Variants in EFHD2 observed in about 807,000 individuals in gnomAD.
EFHD2 encodes the protein EF-hand domain-containing protein D2.
In EFHD2, 12 loss-of-function variants were observed where a neutral mutation model predicts 20.3. That is an observed-to-expected ratio of 0.59 (90% CI 0.38 to 0.96). EFHD2 has a LOEUF of 0.96. Ranked by LOEUF, EFHD2 falls within the 40% of genes least tolerant of loss-of-function variation. The pLI is 0.00. For synonymous variants in EFHD2, 131 were observed against 143.9 expected (o/e 0.91, Z 0.64); for missense variants, 250 against 334.3 (o/e 0.75, Z 1.97).
At chr1:15,420,046 T>C (rs1557499737) in intron 1 of EFHD2, among the ~76,000 whole-genome samples, 1 of 152,160 alleles carries the variant, frequency 6.6e-6, no homozygotes, top group Non-Finnish European at 1.5e-5. Context: ...AGGGATCCCC[T>C]GGGTCATCAT....
chr1:15,418,809 A>T (rs1327915986), intron 1 of EFHD2, among the ~76,000 whole-genome samples: 1 of 152,062 alleles, frequency 6.6e-6, no homozygotes, highest in Non-Finnish European at 1.5e-5. Context: ...GGCATAGCAT[A>T]GTCGTTAAGA....
rs994679085 is a variant in EFHD2 at position 15,428,918 on chromosome 1, G to A, written c.*194G>A. 2.6e-5 allele frequency: 21 copies of A among 808,526 alleles called. No homozygotes were observed. Among genetic ancestry groups the A allele is most frequent in the South Asian group, 5.4e-5 (3 of 55,220 alleles). The allele number at this position is 808,526 out of a possible 1,614,324, so 50.1% of individuals were successfully genotyped here. ...CTCCCCGCTCCCTTCCACTCTGCAC[G>A]AGGCCGCCACACCGGCGCTGGCTCC... On this transcript the variant is annotated 3_prime_UTR_variant, in exon 4 of 4. Transcript: ENST00000375980.
In EFHD2 at chr1:15,425,790, T is replaced by TC. The variant is rs1243785222; in HGVS notation, c.309-76dup. On this transcript the variant is annotated intron_variant, in intron 1 of 3. Transcript: ENST00000375980. ...ATGGTTGGTAGGAGATGCCCTCTGA[T>TC]CCCCCAGTCTCCTTGCACTCAAGCC... 62 of 1,535,150 alleles carry TC rather than the reference T, an allele frequency of 4.0e-5. No individual in the cohort carries two copies. In the East Asian group the frequency reaches 1.3e-3, roughly 32 times the overall value.
intron 1 of EFHD2, among the ~76,000 whole-genome samples, chr1:15,425,290 C>T (rs1048031237): frequency 2.6e-5 from 4 of 152,004 alleles, no homozygotes; most frequent in African/African-American, 4.8e-5. Context: ...TTTGGGAGGC[C>T]GAGGTGGGTG....
At position 15,410,116 on chromosome 1, in the gene EFHD2, G is replaced by A. The variant is rs766548731; in HGVS notation, c.145G>A (p.Gly49Ser). The A allele has an allele frequency of 5.7e-6, 9 of 1,566,266 alleles. No homozygotes were observed. Among genetic ancestry groups the A allele is most frequent in the East Asian group, 5.1e-5 (2 of 39,544 alleles). ...ACCCGACGAGGCGGCCGAGGCGCTG[G>A]GCAGCGCGGACTGCGAGCTGAGCGC... Reference protein sequence around the residue: ...GAPDEAAEALGSADCELSAKL... With the variant: ...GAPDEAAEALSSADCELSAKL... The change falls in exon 1 of 4, where the codon GGC becomes AGC. Residue 49 changes from glycine (G) to serine (S), a missense_variant. By Grantham distance (56) the Gly-to-Ser change is moderately conservative. Around this residue, in one of 3 missense-constraint regions of EFHD2, gnomAD observed 143 missense variants for 190.6 expected, o/e 0.75. Transcript: ENST00000375980.
chr1:15,422,541 G>C (rs781137710), intron 1 of EFHD2, among the ~76,000 whole-genome samples: 9 of 151,988 alleles, frequency 5.9e-5, no homozygotes, highest in Non-Finnish European at 1.2e-4. Flanking sequence ...ATGTCTCCTG[G>C]GGGGCACATG....
chr1:15,416,505 G>A lies in EFHD2; in HGVS notation c.308+6226G>A, dbSNP rs562410552. On this transcript the variant is annotated intron_variant, in intron 1 of 3. Coordinates refer to ENST00000375980, the MANE Select transcript of EFHD2 (RefSeq NM_024329.6). ...GGTGTGGCCAGATGGGAGCCGGGCC[G>A]CCCAGGGAGTCCTGAGCCACAGACA... 5.3e-4 allele frequency among the ~76,000 whole-genome samples: 81 copies of A among 152,354 alleles called. 1 individual carries two copies. Among genetic ancestry groups the A allele is most frequent in the African/African-American group, 1.8e-3 (75 of 41,574 alleles).
At position 15,428,948 on chromosome 1, in the gene EFHD2, C is replaced by A. The variant is rs780476243; in HGVS notation, c.*224C>A. ...CGCCACACCGGCGCTGGCTCCCTGCCCGGCCCGGCCCTCCCTGGCAATCCC... is the reference window on the plus strand; with the variant it reads ...CGCCACACCGGCGCTGGCTCCCTGCACGGCCCGGCCCTCCCTGGCAATCCC... On this transcript the variant is annotated 3_prime_UTR_variant, in exon 4 of 4. Transcript: ENST00000375980. The A allele has an allele frequency of 1.2e-4, 70 of 591,332 alleles. No homozygotes were observed. Among genetic ancestry groups the A allele is most frequent in the African/African-American group, 3.8e-5 (2 of 52,986 alleles). 36.6% of individuals were successfully genotyped at this position (591,332 alleles called of 1,614,324 possible). A position where few individuals can be genotyped will look rare whatever the true frequency, so the allele number is the denominator to read the frequency against.
At position 15,417,644 on chromosome 1, in the gene EFHD2, A is replaced by T. The variant is rs1268171678; in HGVS notation, c.308+7365A>T. On this transcript the variant is annotated intron_variant, in intron 1 of 3. Coordinates refer to ENST00000375980, the MANE Select transcript of EFHD2 (RefSeq NM_024329.6). ...AAGAGATCAAGTGTGAGATTCCCAG[A>T]TAGGACTAGAGGAAGTGGTGAGCGC... 2.0e-5 allele frequency among the ~76,000 whole-genome samples: 3 copies of T among 152,210 alleles called. No individual in the cohort carries two copies. In the East Asian group the frequency reaches 5.8e-4, roughly 29 times the overall value.
intron 1 of EFHD2, among the ~76,000 whole-genome samples, chr1:15,414,439 C>T (rs1707613655): frequency 6.6e-6 from 1 of 152,278 alleles, no homozygotes; most frequent in Non-Finnish European, 1.5e-5. Context: ...AGCTTCTGTT[C>T]CTCACGCTGG....
intron 1 of EFHD2, among the ~76,000 whole-genome samples, chr1:15,419,420 C>G (rs552172868): frequency 2.6e-5 from 4 of 152,198 alleles, no homozygotes; most frequent in Non-Finnish European, 4.4e-5. Context: ...CCAGTACTGC[C>G]GAATGGCATT....
At chr1:15,412,283 GT>G (rs1707544832) in intron 1 of EFHD2, among the ~76,000 whole-genome samples, 1 of 152,080 alleles carries the variant, frequency 6.6e-6, no homozygotes, top group Non-Finnish European at 1.5e-5. Context: ...CCATCGGGCA[GT>G]GCAGAGCTGA....
At chr1:15,414,336 T>G (rs34879972) in intron 1 of EFHD2, among the ~76,000 whole-genome samples, 63 of 152,194 alleles carry the variant, frequency 4.1e-4, no homozygotes, top group Middle Eastern at 3.4e-3. Context: ...GGGACACACC[T>G]CTCCCAGGAG....
At chr1:15,417,247 A>G (rs1324054671) in intron 1 of EFHD2, among the ~76,000 whole-genome samples, 1 of 152,238 alleles carries the variant, frequency 6.6e-6, no homozygotes, top group Non-Finnish European at 1.5e-5. Flanking sequence ...TAGGTGGGTG[A>G]CTTTGTCTGA....
At chr1:15,420,627 C>T (rs1377441867) in intron 1 of EFHD2, among the ~76,000 whole-genome samples, 4 of 152,204 alleles carry the variant, frequency 2.6e-5, no homozygotes, top group Non-Finnish European at 5.9e-5. Flanking sequence ...TCAAGCAATT[C>T]TCCTGACTCA....
At chr1:15,415,661 G>C (rs568129915) in intron 1 of EFHD2, among the ~76,000 whole-genome samples, 66 of 151,986 alleles carry the variant, frequency 4.3e-4, no homozygotes, top group South Asian at 1.0e-3. Context: ...GCTAATTTTT[G>C]TATTTTTGAG....
In EFHD2 at chr1:15,428,739, G is replaced by T. The variant is rs756783818; in HGVS notation, c.*15G>T. The T allele has an allele frequency of 2.2e-5, 34 of 1,566,786 alleles. No individual in the cohort carries two copies. Among genetic ancestry groups the T allele is most frequent in the Non-Finnish European group, 2.7e-5 (31 of 1,157,000 alleles). On this transcript the variant is annotated 3_prime_UTR_variant, in exon 4 of 4. Transcript: ENST00000375980. ...CCTTTAAGTAGCGGGGGCTGCAGCC[G>T]ACCGCCCTGCTCCGGCCCCAGTGTG... is the stretch of plus-strand genomic sequence containing the variant.
chr1:15,410,070 AGCG>A lies in EFHD2; in HGVS notation c.113_115del (p.Ala38del), dbSNP rs750077636. 489 of 1,365,548 alleles carry A rather than the reference AGCG, an allele frequency of 3.6e-4. No individual in the cohort carries two copies. The highest frequency in any genetic ancestry group is 2.0e-3 in the South Asian group (109 of 54,602). 84.6% of individuals were successfully genotyped at this position (1,365,548 alleles called of 1,614,324 possible). A position where few individuals can be genotyped will look rare whatever the true frequency, so the allele number is the denominator to read the frequency against. ...CGGAGCAGCCCGGGCTGAACGGGGC[AGCG>A]GCGGCGGCGGCGGGGGCACCCGACG... On this transcript the variant is annotated inframe_deletion, in exon 1 of 4. Coordinates refer to ENST00000375980, the MANE Select transcript of EFHD2 (RefSeq NM_024329.6).
Position 15,412,836 on chromosome 1 carries a change from T to C in EFHD2, c.308+2557T>C, listed in dbSNP as rs1180321164. ...ATAGGCTGTTTCTGGTCTAGTTTGA[T>C]GAGAGGTACTCTGAGGGCGACTGAG... is the stretch of plus-strand genomic sequence containing the variant. On this transcript the variant is annotated intron_variant, in intron 1 of 3. Coordinates refer to ENST00000375980, the MANE Select transcript of EFHD2 (RefSeq NM_024329.6). Among the ~76,000 whole-genome samples, 4 of 152,170 alleles carry C rather than the reference T, an allele frequency of 2.6e-5. No individual in the cohort carries two copies. In the East Asian group the frequency reaches 7.7e-4, roughly 29 times the overall value.
Sources: gnomAD v4.1 joint callset for allele counts (sites outside exome capture counted in the v4.1 genomes callset) on GRCh38, gnomAD v4.1.1 for gene constraint, gnomAD v4.1.1 regional missense constraint, MANE v1.5 for transcripts, NCBI Gene and HGNC (gene_info 2026-07-23, HGNC 2026-07-21) for gene names.